Variants in SRGAP3 observed in about 807,000 individuals in gnomAD.
The protein encoded by SRGAP3 is SLIT-ROBO Rho GTPase activating protein 3.
SRGAP3 carries 39 observed loss-of-function variants against 121.1 expected under a neutral mutation model. The observed-to-expected ratio is 0.32, with a 90% confidence interval of 0.25 to 0.42. SRGAP3 has a LOEUF of 0.42. Among genes scored for constraint, SRGAP3 ranks in the 10% least tolerant of loss-of-function variants. The pLI, the probability that SRGAP3 is intolerant of heterozygous loss-of-function variation, is 1.00. For missense variants in SRGAP3, 1,213 were observed against 1,470.6 expected, an observed-to-expected ratio of 0.82 and a Z score of 2.86; for synonymous variants, 601 against 570.0, an observed-to-expected ratio of 1.05 and a Z score of -0.77.
chr3:9,085,411 C>G (rs1450104382), intron 3 of SRGAP3, among the ~76,000 whole-genome samples: 1 of 152,102 alleles, frequency 6.6e-6, no homozygotes, highest in African/African-American at 2.4e-5. Flanking sequence ...GGCAATTCCT[C>G]AAAGATCTAA....
chr3:9,236,588 C>G (rs10470710), intron 1 of SRGAP3, among the ~76,000 whole-genome samples: 5,575 of 151,998 alleles, frequency 0.037, 336 homozygotes, highest in African/African-American at 0.13. Flanking sequence ...TTCCCCCCCC[C>G]TCTTCTTCCT....
intron 1 of SRGAP3, among the ~76,000 whole-genome samples, chr3:9,142,049 C>A (rs1277511754): frequency 6.6e-6 from 1 of 152,224 alleles, no homozygotes; most frequent in Non-Finnish European, 1.5e-5. Context: ...CTATTTCATA[C>A]TCAAATTCCA....
intron 3 of SRGAP3, among the ~76,000 whole-genome samples, chr3:9,297,974 A>G (rs1447006022): frequency 6.6e-6 from 1 of 152,120 alleles, no homozygotes; most frequent in African/African-American, 2.4e-5. Context: ...AAGACCAAGG[A>G]ATAAGAAGGC....
intron 1 of SRGAP3, among the ~76,000 whole-genome samples, chr3:9,182,660 G>C (rs901456332): frequency 1.3e-5 from 2 of 151,964 alleles, no homozygotes; most frequent in Non-Finnish European, 2.9e-5. Context: ...TTATTTATTT[G>C]TTTGTTTTAT....
Position 8,985,081 on chromosome 3 carries a change from T to C in SRGAP3, c.*438A>G, listed in dbSNP as rs1941604371. ...CGTGTGTCCAGATCTAGTATATGTA[T>C]ATAGATGCATAAATATATATATATA... On this transcript the variant is annotated 3_prime_UTR_variant, in exon 22 of 22. Coordinates refer to ENST00000383836, the MANE Select transcript of SRGAP3 (RefSeq NM_014850.4). The surrounding 1 kb of genome is among the most constrained non-coding windows in gnomAD (Gnocchi z 5.1). The C allele has an allele frequency of 4.1e-6, 1 of 241,100 alleles. No homozygotes were observed. The highest frequency in any genetic ancestry group is 6.0e-5 in the East Asian group (1 of 16,646). 14.9% of individuals were successfully genotyped at this position (241,100 alleles called of 1,614,324 possible). A position where few individuals can be genotyped will look rare whatever the true frequency, so the allele number is the denominator to read the frequency against.
intron 1 of SRGAP3, among the ~76,000 whole-genome samples, chr3:9,127,001 C>A (rs1949258474): frequency 6.6e-6 from 1 of 152,172 alleles, no homozygotes; most frequent in Non-Finnish European, 1.5e-5. Flanking sequence ...ATTTGGAAAT[C>A]TTCCTCTAAT....
rs1013610036 is a variant in SRGAP3 at position 9,239,548 on chromosome 3, T to C, written c.67+9337A>G. 4.6e-5 allele frequency among the ~76,000 whole-genome samples: 7 copies of C among 152,202 alleles called. No individual in the cohort carries two copies. The highest frequency in any genetic ancestry group is 7.2e-5 in the African/African-American group (3 of 41,440). ...TGCCATTATCACCTAGCACTGGCTATGCAATCCCAGGGGGAAGAGCCAGGT... is the reference window on the plus strand; with the variant it reads ...TGCCATTATCACCTAGCACTGGCTACGCAATCCCAGGGGGAAGAGCCAGGT... On this transcript the variant is annotated intron_variant, in intron 1 of 21. Transcript: ENST00000383836. The surrounding 1 kb of genome is among the most constrained non-coding windows in gnomAD (Gnocchi z 4.0).
chr3:9,165,909 T>C (rs537945684), intron 1 of SRGAP3, among the ~76,000 whole-genome samples: 2 of 152,350 alleles, frequency 1.3e-5, no homozygotes. Flanking sequence ...TATCTCAGGT[T>C]GTAATCATAC....
intron 18 of SRGAP3, among the ~76,000 whole-genome samples, chr3:8,998,880 T>C (rs1942574676): frequency 6.6e-6 from 1 of 152,186 alleles, no homozygotes; most frequent in Non-Finnish European, 1.5e-5. Context: ...CTGGGTTGAA[T>C]GATGGGCCTA....
Position 9,089,292 on chromosome 3 carries a change from CGGGGGGGGGG to C in SRGAP3, c.424-9215_424-9206del, listed in dbSNP as rs58674136. 3.6e-4 allele frequency among the ~76,000 whole-genome samples: 3 copies of C among 8,334 alleles called. 1 individual carries two copies. Among genetic ancestry groups the C allele is most frequent in the Non-Finnish European group, 1.0e-3 (2 of 1,942 alleles). The allele number at this position is 8,334 out of a possible 152,430, so 5.5% of individuals were successfully genotyped here. ...CCACTTGACAGATAAGTGGGGTGGGCGGGGGGGGGGGGGGGGCTGGAGGCTCAGAATGGCT... is the reference window on the plus strand; with the variant it reads ...CCACTTGACAGATAAGTGGGGTGGGCGGGGGGCTGGAGGCTCAGAATGGCT... On this transcript the variant is annotated intron_variant, in intron 3 of 21. Transcript: ENST00000383836.
chr3:9,197,548 G>A (rs943354052), intron 1 of SRGAP3, among the ~76,000 whole-genome samples: 2 of 152,178 alleles, frequency 1.3e-5, no homozygotes, highest in African/African-American at 4.8e-5. Context: ...TTCTCATTTT[G>A]TAGTGTCTCA....
intron 1 of SRGAP3, among the ~76,000 whole-genome samples, chr3:9,356,358 ATTTTTTTTTTTTTT>A (rs869098475): frequency 1.5e-4 from 6 of 39,646 alleles, no homozygotes; most frequent in South Asian, 3.8e-3. Context: ...TGGCCAGCTA[ATTTTTTTTTTTTTT>A]TTTTTTTTTT....
intron 3 of SRGAP3, among the ~76,000 whole-genome samples, chr3:9,303,683 T>A (rs1423921821): frequency 6.6e-6 from 1 of 152,232 alleles, no homozygotes; most frequent in Non-Finnish European, 1.5e-5. Flanking sequence ...AGGTATAGAA[T>A]GACTGCTCAA....
At chr3:9,207,513 C>T (rs1316547529) in intron 1 of SRGAP3, among the ~76,000 whole-genome samples, 1 of 152,104 alleles carries the variant, frequency 6.6e-6, no homozygotes, top group Non-Finnish European at 1.5e-5. Context: ...GAAGCAAACT[C>T]GGAGATGTAG....
chr3:8,998,168 C>T (rs768614061), intron 18 of SRGAP3, among the ~76,000 whole-genome samples: 17 of 152,178 alleles, frequency 1.1e-4, no homozygotes, highest in African/African-American at 2.7e-4. Context: ...GGATTACAGG[C>T]GTGAGCCACC....
chr3:9,023,201 T>C (rs1213902329), intron 14 of SRGAP3, among the ~76,000 whole-genome samples: 3 of 152,040 alleles, frequency 2.0e-5, no homozygotes, highest in South Asian at 4.2e-4. Flanking sequence ...TTCTGTATAA[T>C]GGGATGAGCC....
chr3:8,996,200 A>G (rs1262981732), intron 18 of SRGAP3, among the ~76,000 whole-genome samples: 1 of 152,254 alleles, frequency 6.6e-6, no homozygotes, highest in Admixed American at 6.5e-5. Context: ...TGCTTGCAAC[A>G]GTGTCTGGCA....
chr3:9,140,244 A>T (rs1400172382), intron 1 of SRGAP3, among the ~76,000 whole-genome samples: 2 of 152,166 alleles, frequency 1.3e-5, no homozygotes, highest in Non-Finnish European at 1.5e-5. Flanking sequence ...GCAGCAGAGG[A>T]TTGGTTAAAT....
At chr3:9,063,311 T>G (rs1404599398) in intron 5 of SRGAP3, among the ~76,000 whole-genome samples, 2 of 151,872 alleles carry the variant, frequency 1.3e-5, no homozygotes, top group Non-Finnish European at 2.9e-5. Flanking sequence ...CTATTTTTTG[T>G]AGAGATAGGG....
Sources: gnomAD v4.1 joint callset for allele counts (sites outside exome capture counted in the v4.1 genomes callset) on GRCh38, gnomAD v4.1.1 for gene constraint, Gnocchi (gnomAD v3.1) non-coding constraint, MANE v1.5 for transcripts, NCBI Gene and HGNC (gene_info 2026-07-23, HGNC 2026-07-21) for gene names.